The following LPAR1 variants were observed in gnomAD, a reference collection of about 807,000 sequenced individuals.
The protein encoded by LPAR1 is lysophosphatidic acid receptor 1, also known as LPA receptor 1.
LPAR1 carries 5 observed loss-of-function variants against 23.8 expected under a neutral mutation model. The ratio of observed to expected loss-of-function variants is 0.21; its 90% CI spans 0.11 to 0.44. LPAR1 has a LOEUF of 0.44. Ranked by LOEUF, LPAR1 falls within the 20% of genes least tolerant of loss-of-function variation. The pLI is 0.99. For synonymous variants in LPAR1, 160 were observed against 164.7 expected (o/e 0.97, Z 0.22); for missense variants, 311 against 482.8 (o/e 0.64, Z 3.33).
Position 110,874,195 on chromosome 9 carries a change from T to C in LPAR1, c.*1226A>G, listed in dbSNP as rs2078643568. 6.6e-6 allele frequency: 1 copy of C among 152,650 alleles called. No homozygotes were observed. Among genetic ancestry groups the C allele is most frequent in the Non-Finnish European group, 1.5e-5 (1 of 68,040 alleles). 9.5% of individuals were successfully genotyped at this position (152,650 alleles called of 1,614,324 possible). A position where few individuals can be genotyped will look rare whatever the true frequency, so the allele number is the denominator to read the frequency against. On this transcript the variant is annotated 3_prime_UTR_variant, in exon 6 of 6. Transcript: ENST00000683809. ...TTTATGTACACCAAATTTCTGCAACTTTATAATAATGAAAATTAGAAACAA... is the reference window on the plus strand; with the variant it reads ...TTTATGTACACCAAATTTCTGCAACCTTATAATAATGAAAATTAGAAACAA...
intron 2 of LPAR1, among the ~76,000 whole-genome samples, chr9:111,034,021 T>C (rs1201231935): frequency 1.3e-5 from 2 of 152,230 alleles, no homozygotes; most frequent in Non-Finnish European, 2.9e-5. Flanking sequence ...AGCTCCTGAA[T>C]ACCTCTCCCA....
At chr9:110,994,668 G>A (rs55692554) in intron 2 of LPAR1, among the ~76,000 whole-genome samples, 5,297 of 152,218 alleles carry the variant, frequency 0.035, 131 homozygotes, top group African/African-American at 0.058. Context: ...AGAGGAAGGA[G>A]CAGGGATAGA....
At chr9:111,006,285 A>G (rs547089926) in intron 2 of LPAR1, among the ~76,000 whole-genome samples, 1 of 152,330 alleles carries the variant, frequency 6.6e-6, no homozygotes, top group African/African-American at 2.4e-5. Context: ...GTCACTGAAA[A>G]TCCTGATGAT....
At chr9:111,001,506 C>A (rs2097128252) in intron 2 of LPAR1, among the ~76,000 whole-genome samples, 1 of 151,752 alleles carries the variant, frequency 6.6e-6, no homozygotes, top group Non-Finnish European at 1.5e-5. Context: ...CATAAAGGGA[C>A]TGGAAAAAAA....
chr9:110,881,648 G>A (rs969777858), intron 5 of LPAR1, among the ~76,000 whole-genome samples: 5 of 152,166 alleles, frequency 3.3e-5, no homozygotes, highest in African/African-American at 1.2e-4. Context: ...TTCAGGTGCT[G>A]AAAAGCCAGG....
intron 5 of LPAR1, among the ~76,000 whole-genome samples, chr9:110,904,292 T>G (rs2090454485): frequency 6.6e-6 from 1 of 152,158 alleles, no homozygotes; most frequent in Non-Finnish European, 1.5e-5. Context: ...ATATATTAGA[T>G]GACTTAAACA....
chr9:110,947,962 A>C (rs966573602), intron 4 of LPAR1, among the ~76,000 whole-genome samples: 1 of 152,220 alleles, frequency 6.6e-6, no homozygotes, highest in African/African-American at 2.4e-5. Context: ...CTTCTGTTAA[A>C]ATACAATAGA....
chr9:110,922,824 ATATTAT>A (rs61229734), intron 5 of LPAR1, among the ~76,000 whole-genome samples: 1,575 of 142,228 alleles, frequency 0.011, 24 homozygotes, highest in African/African-American at 0.037. Context: ...TCTTATTATT[ATATTAT>A]TATTATTATT....
intron 2 of LPAR1, among the ~76,000 whole-genome samples, chr9:111,015,540 G>A (rs1166220382): frequency 6.6e-6 from 1 of 152,126 alleles, no homozygotes; most frequent in Non-Finnish European, 1.5e-5. Flanking sequence ...GAGGCTGGAG[G>A]CAAGGGATGA....
intron 5 of LPAR1, among the ~76,000 whole-genome samples, chr9:110,884,266 G>A (rs2081729468): frequency 6.6e-6 from 1 of 152,064 alleles, no homozygotes; most frequent in African/African-American, 2.4e-5. Flanking sequence ...GATGTTACCT[G>A]CTCTCCTCGC....
chr9:111,035,047 A>G (rs541308410), intron 2 of LPAR1, among the ~76,000 whole-genome samples: 1 of 152,266 alleles, frequency 6.6e-6, no homozygotes, highest in East Asian at 1.9e-4. Flanking sequence ...CTGCATATAC[A>G]TATTCGGTAT....
intron 5 of LPAR1, among the ~76,000 whole-genome samples, chr9:110,890,984 T>G (rs1259541700): frequency 6.6e-6 from 1 of 152,212 alleles, no homozygotes; most frequent in Non-Finnish European, 1.5e-5. Context: ...AGAAATCTTA[T>G]TTAACAACGA....
chr9:110,902,903 G>A (rs531841852), intron 5 of LPAR1, among the ~76,000 whole-genome samples: 6 of 152,250 alleles, frequency 3.9e-5, no homozygotes, highest in South Asian at 2.1e-4. Flanking sequence ...ACCAGCAGAC[G>A]CCAGGAGGAA....
chr9:110,952,363 G>GA (rs1257701121), intron 4 of LPAR1, among the ~76,000 whole-genome samples: 1 of 152,124 alleles, frequency 6.6e-6, no homozygotes, highest in Non-Finnish European at 1.5e-5. Context: ...CGTTACTCCA[G>GA]AGACAGAGCT....
chr9:110,908,344 CTA>C (rs1429252778), intron 5 of LPAR1, among the ~76,000 whole-genome samples: 1 of 148,758 alleles, frequency 6.7e-6, no homozygotes, highest in Non-Finnish European at 1.5e-5. Context: ...TTATAATTAA[CTA>C]TATATTAAAT....
intron 4 of LPAR1, among the ~76,000 whole-genome samples, chr9:110,948,998 TA>T (rs199991821): frequency 5.9e-5 from 9 of 151,506 alleles, no homozygotes; most frequent in Admixed American, 4.6e-4. Context: ...GGAAAATAAA[TA>T]AAGAGTCCCT....
At chr9:110,968,501 T>C (rs1011103830) in intron 4 of LPAR1, among the ~76,000 whole-genome samples, 2 of 152,082 alleles carry the variant, frequency 1.3e-5, no homozygotes, top group African/African-American at 4.8e-5. Context: ...TTCTTCTCCT[T>C]TACCAAAATA....
chr9:111,019,984 C>G (rs1318562141), intron 2 of LPAR1, among the ~76,000 whole-genome samples: 2 of 152,158 alleles, frequency 1.3e-5, no homozygotes, highest in Non-Finnish European at 2.9e-5. Flanking sequence ...AGACAGCTGT[C>G]TTTTCACTGT....
intron 5 of LPAR1, among the ~76,000 whole-genome samples, chr9:110,880,809 G>T (rs897582137): frequency 1.3e-5 from 2 of 152,160 alleles, no homozygotes; most frequent in Non-Finnish European, 2.9e-5. Context: ...TATTCCCTCA[G>T]GTCAGGCAGC....
Sources: gnomAD v4.1 joint callset for allele counts (sites outside exome capture counted in the v4.1 genomes callset) on GRCh38, gnomAD v4.1.1 for gene constraint, MANE v1.5 for transcripts, NCBI Gene and HGNC (gene_info 2026-07-23, HGNC 2026-07-21) for gene names.